Variants in FAM114A1 observed in about 807,000 individuals in gnomAD.
FAM114A1 encodes protein NOXP20.
FAM114A1 carries 62 observed loss-of-function variants against 64.3 expected under a neutral mutation model. That is an observed-to-expected ratio of 0.96 (90% confidence interval 0.79 to 1.19). The LOEUF is 1.19. FAM114A1 is among the 50% of genes most tolerant of loss of function. The pLI is 0.00. For synonymous variants in FAM114A1, 254 were observed against 251.1 expected (o/e 1.01, Z -0.11); for missense variants, 645 against 676.3 (o/e 0.95, Z 0.51).
At chr4:38,896,017 A>G (rs1053910048) in intron 4 of FAM114A1, among the ~76,000 whole-genome samples, 11 of 152,038 alleles carry the variant, frequency 7.2e-5, no homozygotes, top group African/African-American at 1.9e-4. Flanking sequence ...TGTCAGTTAC[A>G]CCACCAATTA....
At chr4:38,886,961 C>T (rs1367300337) in intron 3 of FAM114A1, among the ~76,000 whole-genome samples, 15 of 149,332 alleles carry the variant, frequency 1.0e-4, no homozygotes, top group African/African-American at 3.5e-4. Context: ...GTAGCCTGTA[C>T]AGGGAAGCAG....
In FAM114A1 at chr4:38,944,003, A is replaced by G. The variant is rs1461348309; in HGVS notation, c.*446A>G. ...CTTTGTTTTGTTACATAAATGTCGC[A>G]GGCAAAAATAACACTACTTATAGAT... On this transcript the variant is annotated 3_prime_UTR_variant, in exon 15 of 15. Transcript: ENST00000358869. 1 of 153,488 alleles carries G rather than the reference A, an allele frequency of 6.5e-6. No homozygotes were observed. The highest frequency in any genetic ancestry group is 1.5e-5 in the Non-Finnish European group (1 of 68,832). 9.5% of individuals were successfully genotyped at this position (153,488 alleles called of 1,614,324 possible).
At chr4:38,923,232 T>TC (rs1255355040) in intron 9 of FAM114A1, among the ~76,000 whole-genome samples, 1 of 150,806 alleles carries the variant, frequency 6.6e-6, no homozygotes, top group East Asian at 1.9e-4. Flanking sequence ...CACTTTTTTT[T>TC]TTTTTTTTTT....
chr4:38,899,028 T>C (rs926795808), intron 4 of FAM114A1, among the ~76,000 whole-genome samples: 4 of 106,478 alleles, frequency 3.8e-5, no homozygotes, highest in Non-Finnish European at 8.1e-5. Context: ...ATATATGTTA[T>C]ATATATATAT....
In FAM114A1 at chr4:38,945,117, T is replaced by C. The variant is rs985686980; in HGVS notation, c.*1560T>C. On this transcript the variant is annotated 3_prime_UTR_variant, in exon 15 of 15. Coordinates refer to ENST00000358869, the MANE Select transcript of FAM114A1 (RefSeq NM_138389.4). Reference sequence around the variant, plus strand: ...ATTTCTTACGATCACGAGCACATGGTGGCATAATTACAAAGCTTGGAAGTA... The same window carrying C: ...ATTTCTTACGATCACGAGCACATGGCGGCATAATTACAAAGCTTGGAAGTA... The C allele has an allele frequency of 1.3e-5, 2 of 152,246 alleles. No homozygotes were observed. Among genetic ancestry groups the C allele is most frequent in the Admixed American group, 1.3e-4 (2 of 15,288 alleles). 9.4% of individuals were successfully genotyped at this position (152,246 alleles called of 1,614,324 possible).
At chr4:38,934,023 AAGAACCAC>A (rs1197528594) in intron 12 of FAM114A1, among the ~76,000 whole-genome samples, 1 of 152,232 alleles carries the variant, frequency 6.6e-6, no homozygotes, top group East Asian at 1.9e-4. Flanking sequence ...AAGTTATTAT[AAGAACCAC>A]AGAATCCCCA....
At chr4:38,917,149 C>CAAAAAAATAAATAAAT (rs1719133150) in intron 8 of FAM114A1, among the ~76,000 whole-genome samples, 1 of 143,064 alleles carries the variant, frequency 7.0e-6, no homozygotes, top group Non-Finnish European at 1.5e-5. Flanking sequence ...ACTAAAAATA[C>CAAAAAAATAAATAAAT]AAATAAATAA....
intron 3 of FAM114A1, among the ~76,000 whole-genome samples, chr4:38,883,112 T>C (rs549185608): frequency 6.6e-6 from 1 of 152,286 alleles, no homozygotes; most frequent in South Asian, 2.1e-4. Flanking sequence ...TTGGACCGGA[T>C]TCTCTAAGGC....
Position 38,908,413 on chromosome 4 carries a change from A to G in FAM114A1, c.658-179A>G, listed in dbSNP as rs113884230. 2.4e-3 allele frequency among the ~76,000 whole-genome samples: 372 copies of G among 152,338 alleles called. 2 individuals carry two copies. Among genetic ancestry groups the G allele is most frequent in the African/African-American group, 7.7e-3 (320 of 41,570 alleles). ...GTATGTCCTACAAATTATATAACAT[A>G]TGCTTTTCCAAGGAAACGAGAATAG... On this transcript the variant is annotated intron_variant, in intron 6 of 14. Transcript: ENST00000358869.
intron 2 of FAM114A1, among the ~76,000 whole-genome samples, chr4:38,874,181 G>A (rs1579285782): frequency 6.6e-6 from 1 of 152,196 alleles, no homozygotes; most frequent in Admixed American, 6.5e-5. Context: ...TACTAAAAGT[G>A]TGACTTCTGA....
At chr4:38,935,695 CT>C (rs377231719) in intron 12 of FAM114A1, 22 bp from the exon 13 acceptor site, 128,366 of 959,232 alleles carry the variant, frequency 0.13, 81 homozygotes, top group South Asian at 0.21. Context: ...AACATCCAAG[CT>C]TTTTTTTTTT....
intron 14 of FAM114A1, 121 bp downstream of exon 14, chr4:38,941,142 G>C: frequency 1.2e-6 from 1 of 848,346 alleles, no homozygotes; most frequent in Middle Eastern, 2.7e-4. Flanking sequence ...CTCATCATCA[G>C]GTCTTTTTTG....
chr4:38,881,941 G>C (rs1715311195), intron 3 of FAM114A1, among the ~76,000 whole-genome samples: 1 of 152,172 alleles, frequency 6.6e-6, no homozygotes, highest in African/African-American at 2.4e-5. Context: ...GGTTCTGCAG[G>C]AAAATAGCCA....
At chr4:38,929,124 C>A (rs973064698) in intron 9 of FAM114A1, 118 bp from the exon 10 acceptor site, 1 of 746,646 alleles carries the variant, frequency 1.3e-6, no homozygotes, top group South Asian at 1.5e-5. Context: ...GGCTGGCGGG[C>A]AGGCTGCTAC....
intron 2 of FAM114A1, among the ~76,000 whole-genome samples, chr4:38,870,345 A>G (rs1579279165): frequency 6.6e-6 from 1 of 152,296 alleles, no homozygotes; most frequent in African/African-American, 2.4e-5. Context: ...AGTCTAGTTC[A>G]GGCACATCTG....
At chr4:38,881,349 C>T (rs1715250339) in intron 3 of FAM114A1, among the ~76,000 whole-genome samples, 1 of 152,152 alleles carries the variant, frequency 6.6e-6, no homozygotes, top group South Asian at 2.1e-4. Context: ...ACCTTCCCCA[C>T]CCCCTACAAC....
At chr4:38,930,515 TCC>T (rs1250912288) in intron 10 of FAM114A1, among the ~76,000 whole-genome samples, 1 of 152,136 alleles carries the variant, frequency 6.6e-6, no homozygotes, top group Non-Finnish European at 1.5e-5. Context: ...GCTCTGAGAT[TCC>T]ACTGGCTTAT....
chr4:38,911,850 T>C (rs1299218427), intron 7 of FAM114A1, among the ~76,000 whole-genome samples: 1 of 91,272 alleles, frequency 1.1e-5, no homozygotes, highest in Non-Finnish European at 2.5e-5. Flanking sequence ...TTTTCTTTTT[T>C]TTTCTTTTTT....
At chr4:38,932,194 T>C in intron 11 of FAM114A1, 41 bp from the exon 12 acceptor site, 1 of 1,562,368 alleles carries the variant, frequency 6.4e-7, no homozygotes, top group Non-Finnish European at 8.6e-7. Flanking sequence ...AAAAAGCATC[T>C]GCTCAGTAAA....
Sources: allele counts gnomAD v4.1 joint callset (sites outside exome capture counted in the v4.1 genomes callset), GRCh38; gene constraint gnomAD v4.1.1; transcripts MANE v1.5; gene names NCBI Gene and HGNC (gene_info 2026-07-23, HGNC 2026-07-21).